MAP4K5: variants seen among roughly 807,000 people sequenced by gnomAD.
The protein encoded by MAP4K5 is mitogen-activated protein kinase kinase kinase kinase 5, also known as MAPK/ERK kinase kinase kinase 5.
MAP4K5 carries 82 observed loss-of-function variants against 135.6 expected under a neutral mutation model. The observed-to-expected ratio is 0.60, with a 90% CI of 0.51 to 0.73. MAP4K5 has a LOEUF of 0.73. MAP4K5 is among the 30% of genes least tolerant of loss of function. MAP4K5 has a pLI of 0.00. For missense variants in MAP4K5, 907 were observed against 1,010.9 expected, an observed-to-expected ratio of 0.90 and a Z score of 1.39; for synonymous variants, 347 against 335.0, an observed-to-expected ratio of 1.04 and a Z score of -0.39.
intron 1 of MAP4K5, among the ~76,000 whole-genome samples, chr14:50,544,947 A>G (rs1566706963): frequency 6.6e-6 from 1 of 150,882 alleles, no homozygotes; most frequent in Non-Finnish European, 1.5e-5. Flanking sequence ...AAAAAAAAAA[A>G]AAAAAAAAAA....
intron 1 of MAP4K5, among the ~76,000 whole-genome samples, chr14:50,546,336 T>C (rs1029196040): frequency 1.3e-5 from 2 of 152,118 alleles, no homozygotes; most frequent in African/African-American, 4.8e-5. Context: ...TACTATCTCA[T>C]GGCTAGAGTT....
At chr14:50,496,691 G>C (rs1480746457) in intron 3 of MAP4K5, among the ~76,000 whole-genome samples, 2 of 151,642 alleles carry the variant, frequency 1.3e-5, no homozygotes, top group East Asian at 3.9e-4. Flanking sequence ...AAAAATTTTT[G>C]TAAAGACTGG....
At chr14:50,507,402 T>C (rs1369703576) in intron 2 of MAP4K5, among the ~76,000 whole-genome samples, 2 of 152,200 alleles carry the variant, frequency 1.3e-5, no homozygotes, top group African/African-American at 4.8e-5. Flanking sequence ...AGCTTTTGAA[T>C]GTGTTTGCTC....
intron 14 of MAP4K5, chr14:50,450,306 C>A (rs992342100): frequency 2.6e-5 from 4 of 152,048 alleles, no homozygotes; most frequent in African/African-American, 9.7e-5. Flanking sequence ...TACATGTAAA[C>A]ATATATATGT....
intron 1 of MAP4K5, among the ~76,000 whole-genome samples, chr14:50,545,248 A>G (rs2038616111): frequency 6.6e-6 from 1 of 152,346 alleles, no homozygotes; most frequent in Middle Eastern, 3.4e-3. Flanking sequence ...AGCGCCCTGT[A>G]TGTAAGTCCT....
At chr14:50,519,918 A>C (rs1281646613) in intron 2 of MAP4K5, among the ~76,000 whole-genome samples, 1 of 152,216 alleles carries the variant, frequency 6.6e-6, no homozygotes, top group Non-Finnish European at 1.5e-5. Flanking sequence ...TGAAAATGCA[A>C]AACTAGTTCC....
intron 11 of MAP4K5, among the ~76,000 whole-genome samples, chr14:50,466,088 A>T (rs1048996448): frequency 2.0e-5 from 3 of 152,026 alleles, no homozygotes; most frequent in Admixed American, 6.6e-5. Flanking sequence ...AAAAGAAAGA[A>T]ACACTGGGCT....
At chr14:50,429,766 G>A (rs1020525282) in intron 28 of MAP4K5, among the ~76,000 whole-genome samples, 1 of 152,116 alleles carries the variant, frequency 6.6e-6, no homozygotes, top group Non-Finnish European at 1.5e-5. Context: ...AGGTGGGTGG[G>A]AGTTCTTTTA....
chr14:50,447,489 GATAAAA>G lies in MAP4K5; in HGVS notation c.1075-14_1075-9del, dbSNP rs1248117553. The G allele has an allele frequency of 1.3e-6, 2 of 1,493,462 alleles. No individual in the cohort carries two copies. Among genetic ancestry groups the G allele is most frequent in the Non-Finnish European group, 1.8e-6 (2 of 1,100,792 alleles). 92.5% of individuals were successfully genotyped at this position (1,493,462 alleles called of 1,614,324 possible). On this transcript the variant is annotated splice_polypyrimidine_tract_variant and intron_variant, in intron 15 of 32. Transcript: ENST00000682126. ...TGGGTCTGATGACAATCCCTGTAAA[GATAAAA>G]ATATAGTTTAAAATGTTACTTTGTA...
chr14:50,522,022 T>C (rs1266169955), intron 2 of MAP4K5, among the ~76,000 whole-genome samples: 1 of 152,190 alleles, frequency 6.6e-6, no homozygotes, highest in East Asian at 1.9e-4. Flanking sequence ...TGTTTTTCTT[T>C]CTGTGTTCTT....
intron 1 of MAP4K5, chr14:50,560,318 C>T (rs1366172345): frequency 6.2e-7 from 1 of 1,613,386 alleles, no homozygotes; most frequent in Admixed American, 1.7e-5. Flanking sequence ...CAAATGAGAA[C>T]TTCTGCAGCC....
In MAP4K5 at chr14:50,558,710, G is replaced by T. The variant is rs149480717; in HGVS notation, c.-180+2330C>A. On this transcript the variant is annotated intron_variant, in intron 1 of 8. Transcript: ENST00000555216. ...GGGATTCATATGAAAGGGATTTTCA[G>T]GCTGGAATGTAAGCTGAGAATGATA... Among the ~76,000 whole-genome samples the T allele has an allele frequency of 4.6e-3, 696 of 152,266 alleles. 8 individuals are homozygous for T. The highest frequency in any genetic ancestry group is 0.016 in the African/African-American group (665 of 41,544).
intron 3 of MAP4K5, among the ~76,000 whole-genome samples, chr14:50,488,505 C>T (rs1046315474): frequency 6.6e-6 from 1 of 152,170 alleles, no homozygotes; most frequent in Non-Finnish European, 1.5e-5. Flanking sequence ...CAGATTTTCT[C>T]ACAAGAGTAG....
chr14:50,466,864 T>A (rs1443610515), intron 10 of MAP4K5, among the ~76,000 whole-genome samples: 1 of 152,176 alleles, frequency 6.6e-6, no homozygotes, highest in Non-Finnish European at 1.5e-5. Flanking sequence ...AAGTCCTTAT[T>A]CACAAAGCAA....
chr14:50,448,848 C>A lies in MAP4K5; in HGVS notation c.1016-16G>T, dbSNP rs140551199. On this transcript the variant is annotated splice_polypyrimidine_tract_variant and intron_variant, in intron 14 of 32. Transcript: ENST00000682126. The stretch of plus-strand genomic sequence containing the variant: ...AATTTGTCAACTGCAAAATATATAA[C>A]AGGTATGTACAAACTCAGCATCTCA... 7 of 1,355,892 alleles carry A rather than the reference C, an allele frequency of 5.2e-6. No individual in the cohort carries two copies. Among genetic ancestry groups the A allele is most frequent in the Non-Finnish European group, 7.2e-6 (7 of 977,254 alleles). The allele number at this position is 1,355,892 out of a possible 1,614,324, so 84.0% of individuals were successfully genotyped here. A position where few individuals can be genotyped will look rare whatever the true frequency, so the allele number is the denominator to read the frequency against.
chr14:50,475,956 T>C (rs1326406435), intron 8 of MAP4K5, among the ~76,000 whole-genome samples, 172 bp downstream of exon 8: 1 of 152,222 alleles, frequency 6.6e-6, no homozygotes, highest in Non-Finnish European at 1.5e-5. Flanking sequence ...TTTAATTTCC[T>C]TAAAATGAGT....
Position 50,434,499 on chromosome 14 carries a change from T to C in MAP4K5, c.2059A>G (p.Met687Val), listed in dbSNP as rs1449776553. The C allele has an allele frequency of 3.7e-6, 6 of 1,607,588 alleles. No individual in the cohort carries two copies. The highest frequency in any genetic ancestry group is 1.3e-5 in the African/African-American group (1 of 74,844). ...MLVIPEQEYP[M>V]VCVAISKGTE... ...CCTTTGCTAATAGCTACACAGACCA[T>C]AGGGTATTCCTGTTCAGGTATCACC... The change falls in exon 28 of 33, where the codon ATG becomes GTG. Residue 687 changes from methionine to valine, a missense_variant. By Grantham distance (21) the Met-to-Val change is conservative. Transcript: ENST00000682126.
intron 2 of MAP4K5, among the ~76,000 whole-genome samples, chr14:50,542,006 CAAAAAAAAAAAAA>C (rs59075218): frequency 3.2e-5 from 2 of 62,460 alleles, no homozygotes; most frequent in East Asian, 5.3e-4. Context: ...GATTCCGTCT[CAAAAAAAAAAAAA>C]AAAAAAAAAA....
intron 31 of MAP4K5, among the ~76,000 whole-genome samples, chr14:50,423,717 T>C (rs2035783961): frequency 1.3e-5 from 2 of 152,154 alleles, no homozygotes; most frequent in Admixed American, 1.3e-4. Flanking sequence ...TACAGTGAAC[T>C]ATGATTGCAC....
Sources: allele counts gnomAD v4.1 joint callset (sites outside exome capture counted in the v4.1 genomes callset), GRCh38; gene constraint gnomAD v4.1.1; transcripts MANE v1.5; gene names NCBI Gene and HGNC (gene_info 2026-07-23, HGNC 2026-07-21).